Variants in MLC1 observed in about 807,000 individuals in gnomAD.
MLC1 encodes modulator of VRAC current 1.
In MLC1, 32 loss-of-function variants were observed where a neutral mutation model predicts 44.7. That is an observed-to-expected ratio of 0.72 (90% CI 0.54 to 0.96). The LOEUF (loss-of-function observed/expected upper bound fraction) is 0.96, where lower values mean the gene tolerates loss of function less well. MLC1 is among the 40% of genes least tolerant of loss of function. The pLI is 0.00. For missense variants in MLC1, 459 were observed against 492.2 expected, an observed-to-expected ratio of 0.93 and a Z score of 0.64; for synonymous variants, 190 against 213.0, an observed-to-expected ratio of 0.89 and a Z score of 0.94.
chr22:50,077,647 G>T, intron 5 of MLC1, 145 bp from the exon 6 acceptor site: 2 of 705,574 alleles, frequency 2.8e-6, no homozygotes, highest in Non-Finnish European at 5.1e-6. Flanking sequence ...CAGCTGTGAG[G>T]CACTGTGGGC....
chr22:50,083,317 C>G lies in MLC1; in HGVS notation c.178-144G>C. The G allele has an allele frequency of 1.3e-6, 1 of 753,752 alleles. No homozygotes were observed. Among genetic ancestry groups the G allele is most frequent in the South Asian group, 1.5e-5 (1 of 66,166 alleles). The allele number at this position is 753,752 out of a possible 1,614,324, so 46.7% of individuals were successfully genotyped here. On this transcript the variant is annotated intron_variant, in intron 2 of 11. Transcript: ENST00000311597. The surrounding 1 kb of genome is among the most constrained non-coding windows in gnomAD (Gnocchi z 4.6). The stretch of plus-strand genomic sequence containing the variant: ...CAACCACACCCGCACCTGGGACCCG[C>G]CCATCCTGGACTCCTCCTGTAGGAC...
intron 3 of MLC1, 90 bp downstream of exon 3, chr22:50,082,994 T>C: frequency 7.6e-7 from 1 of 1,309,326 alleles, no homozygotes. Flanking sequence ...GAGGTACAGG[T>C]GACAGAAACC....
At chr22:50,075,071 T>C (rs891711773) in intron 7 of MLC1, among the ~76,000 whole-genome samples, 5 of 152,022 alleles carry the variant, frequency 3.3e-5, no homozygotes, top group Non-Finnish European at 7.4e-5. Flanking sequence ...GCCTAAGCCC[T>C]GGTTGTGGAC....
chr22:50,063,783 C>CG (rs1555963280), intron 11 of MLC1, among the ~76,000 whole-genome samples: 1 of 139,912 alleles, frequency 7.1e-6, no homozygotes, highest in Admixed American at 7.5e-5. Context: ...GGCTGGGCCC[C>CG]CCATGGGCCA....
chr22:50,082,701 A>G (rs2235352), intron 3 of MLC1, among the ~76,000 whole-genome samples: 32,656 of 152,098 alleles, frequency 0.21, 3,764 homozygotes, highest in South Asian at 0.31. Context: ...TTTCACTCTC[A>G]TTGCCCAGGC....
intron 1 of MLC1, 62 bp from the exon 2 acceptor site, chr22:50,085,023 G>T (rs2062247088): frequency 1.3e-6 from 2 of 1,515,700 alleles, no homozygotes; most frequent in Admixed American, 2.0e-5. Context: ...TTGTTTCCAA[G>T]AAATATTTTT....
chr22:50,068,700 C>T, intron 9 of MLC1, 145 bp from the exon 10 acceptor site: 1 of 820,710 alleles, frequency 1.2e-6, no homozygotes, highest in Non-Finnish European at 2.0e-6. Flanking sequence ...CCTGCTGAAA[C>T]CTCTGCCTTT....
chr22:50,068,386 G>A (rs369017407), intron 10 of MLC1, 47 bp downstream of exon 10: 19 of 1,606,108 alleles, frequency 1.2e-5, no homozygotes, highest in Admixed American at 3.3e-5. Context: ...AGGCCAACAC[G>A]CAGAGCACCA....
At chr22:50,078,900 G>A (rs4838816) in intron 5 of MLC1, among the ~76,000 whole-genome samples, 21,811 of 152,084 alleles carry the variant, frequency 0.14, 1,760 homozygotes, top group Admixed American at 0.21. Context: ...AGGGCCAGCC[G>A]ACAGCTACAG....
chr22:50,064,664 C>T (rs551830387), intron 10 of MLC1, among the ~76,000 whole-genome samples: 1 of 152,260 alleles, frequency 6.6e-6, no homozygotes, highest in South Asian at 2.1e-4. Flanking sequence ...CACCCCTGAG[C>T]ACCAGCTGCT....
At chr22:50,062,171 A>C (rs113262072) in intron 11 of MLC1, among the ~76,000 whole-genome samples, 12,269 of 108,268 alleles carry the variant, frequency 0.11, 873 homozygotes, top group South Asian at 0.2. Flanking sequence ...CCAGCCGTCC[A>C]CCCTAAGCCC....
chr22:50,068,377 G>A (rs2061763833), intron 10 of MLC1, 56 bp downstream of exon 10: 1 of 1,603,588 alleles, frequency 6.2e-7, no homozygotes, highest in Non-Finnish European at 8.5e-7. Flanking sequence ...GCAAGGGCCA[G>A]GCCAACACGC....
chr22:50,068,725 CTTTTTTTTTTTTT>C (rs765426637), intron 9 of MLC1, among the ~76,000 whole-genome samples, 170 bp from the exon 10 acceptor site: 2 of 105,256 alleles, frequency 1.9e-5, no homozygotes, highest in Admixed American at 1.1e-4. Context: ...TTTTCTTTTT[CTTTTTTTTTTTTT>C]TTTTTTTTGA....
At chr22:50,079,299 C>G (rs2062058141) in intron 5 of MLC1, among the ~76,000 whole-genome samples, 1 of 151,472 alleles carries the variant, frequency 6.6e-6, no homozygotes, top group African/African-American at 2.4e-5. Flanking sequence ...CAAAACAAAA[C>G]AAAACAAAAA....
In MLC1 at chr22:50,083,553, C is replaced by T. The variant is rs112562249; in HGVS notation, c.178-380G>A. The stretch of plus-strand genomic sequence containing the variant: ...CCCACACCCAGGTCCAGACACGAGA[C>T]TGGAAAACAACTGCCCATCCCCCTC... On this transcript the variant is annotated intron_variant, in intron 2 of 11. Transcript: ENST00000311597. This position sits in a 1 kb window ranked among gnomAD's most constrained non-coding sequence, Gnocchi z 4.6. 2.1e-3 allele frequency among the ~76,000 whole-genome samples: 321 copies of T among 152,346 alleles called. 1 individual carries two copies. The highest frequency in any genetic ancestry group is 7.5e-3 in the African/African-American group (311 of 41,584).
chr22:50,076,449 G>A (rs2061982472), intron 7 of MLC1, among the ~76,000 whole-genome samples: 1 of 152,096 alleles, frequency 6.6e-6, no homozygotes, highest in South Asian at 2.1e-4. Flanking sequence ...CAGCTCCTCA[G>A]GAGGCTGAGG....
intron 8 of MLC1, 122 bp downstream of exon 8, chr22:50,074,094 G>A (rs41308347): frequency 1.6e-5 from 13 of 789,610 alleles, no homozygotes; most frequent in Non-Finnish European, 2.8e-5. Flanking sequence ...TTGGGGGCCA[G>A]CGAGGACCCT....
At chr22:50,073,983 AT>A (rs1021964128) in intron 8 of MLC1, among the ~76,000 whole-genome samples, 7 of 152,156 alleles carry the variant, frequency 4.6e-5, no homozygotes, top group Admixed American at 3.3e-4. Context: ...AATAATTGGT[AT>A]TTTTTTCAGG....
Position 50,061,316 on chromosome 22 carries a change from C to T in MLC1, c.*267G>A, listed in dbSNP as rs1021399359. The T allele has an allele frequency of 3.0e-4, 157 of 531,248 alleles. No individual in the cohort carries two copies. The highest frequency in any genetic ancestry group is 4.2e-4 in the Non-Finnish European group (123 of 293,360). The allele number at this position is 531,248 out of a possible 1,614,324, so 32.9% of individuals were successfully genotyped here. On this transcript the variant is annotated 3_prime_UTR_variant, in exon 12 of 12. Transcript: ENST00000311597. ...AGAGGCCGAGCCGGGGGCCCTTCCT[C>T]GGCCTGGGAAGTTGCGGCCATGCTC... is the stretch of plus-strand genomic sequence containing the variant.
Sources: allele counts gnomAD v4.1 joint callset (sites outside exome capture counted in the v4.1 genomes callset), GRCh38; gene constraint gnomAD v4.1.1; non-coding constraint Gnocchi (gnomAD v3.1); transcripts MANE v1.5; gene names NCBI Gene and HGNC (gene_info 2026-07-23, HGNC 2026-07-21).